Variants in LYZL2 observed in about 807,000 individuals in gnomAD.
LYZL2 encodes the protein lysozyme-like protein 2.
LYZL2 carries 13 observed loss-of-function variants against 17.1 expected under a neutral mutation model. The observed-to-expected ratio is 0.76, with a 90% CI of 0.49 to 1.21. LYZL2 has a LOEUF of 1.21. LYZL2 is among the 50% of genes most tolerant of loss of function. LYZL2 has a pLI of 0.00. For missense variants in LYZL2, 166 were observed against 189.2 expected (o/e 0.88, Z 0.72); for synonymous variants, 63 against 74.4 (o/e 0.85, Z 0.79).
chr10:30,611,467 C>G (rs1189995361), downstream of LYZL2, among the ~76,000 whole-genome samples: 2 of 143,570 alleles, frequency 1.4e-5, no homozygotes, highest in Non-Finnish European at 3.0e-5. Context: ...CGACTGCACT[C>G]CAGCCTGGGG....
At chr10:30,617,674 C>CAAAAAAAAAAAAAA (rs1165550893) in intron 3 of LYZL2, among the ~76,000 whole-genome samples, 5 of 50,214 alleles carry the variant, frequency 1.0e-4, no homozygotes, top group Non-Finnish European at 1.8e-4. Context: ...GACTCTGTCT[C>CAAAAAAAAAAAAAA]AAAAAAAAAA....
At chr10:30,629,045 C>A (rs773901059) in intron 1 of LYZL2, among the ~76,000 whole-genome samples, 5 of 151,364 alleles carry the variant, frequency 3.3e-5, no homozygotes, top group Non-Finnish European at 7.4e-5. Flanking sequence ...TCATGCCAGT[C>A]CGTGGTGTAC....
At chr10:30,629,572 T>C in intron 1 of LYZL2, 21 bp downstream of exon 1, 1 of 1,612,558 alleles carries the variant, frequency 6.2e-7, no homozygotes, top group Non-Finnish European at 8.5e-7. Flanking sequence ...GGTGGCTTCA[T>C]AAGAGTAATT....
At chr10:30,611,609 AAGAAAG>A (rs1366122146), downstream of LYZL2, among the ~76,000 whole-genome samples, 13 of 146,186 alleles carry the variant, frequency 8.9e-5, no homozygotes, top group African/African-American at 3.1e-4. Flanking sequence ...GAAAGAAAGA[AAGAAAG>A]AGAAAGAAAG....
At chr10:30,612,697 A>C in intron 4 of LYZL2, 125 bp downstream of exon 4, 1 of 680,908 alleles carries the variant, frequency 1.5e-6, no homozygotes, top group Non-Finnish European at 2.6e-6. Flanking sequence ...AATATAGACA[A>C]GGTCTCCTTC....
chr10:30,615,480 C>T (rs972894055), intron 3 of LYZL2, among the ~76,000 whole-genome samples: 4 of 152,114 alleles, frequency 2.6e-5, no homozygotes, highest in Non-Finnish European at 5.9e-5. Flanking sequence ...TTATACTGTA[C>T]TGCTTACTTG....
intron 1 of LYZL2, among the ~76,000 whole-genome samples, chr10:30,627,916 T>C (rs553261617): frequency 1.3e-5 from 2 of 152,268 alleles, no homozygotes; most frequent in Non-Finnish European, 2.9e-5. Context: ...TCCCGGCACT[T>C]TGGGAGGCCG....
chr10:30,620,984 C>T (rs142953398), intron 3 of LYZL2, among the ~76,000 whole-genome samples: 3 of 151,920 alleles, frequency 2.0e-5, no homozygotes, highest in Non-Finnish European at 2.9e-5. Context: ...ACAGCATCAG[C>T]GATCGAACAT....
At chr10:30,612,952 G>A (rs1448281086) in intron 3 of LYZL2, 52 bp from the exon 4 acceptor site, 2 of 1,391,898 alleles carry the variant, frequency 1.4e-6, no homozygotes, top group Admixed American at 1.8e-5. Flanking sequence ...GTTGGAGAGG[G>A]ACCCCAACTC....
intron 2 of LYZL2, 88 bp downstream of exon 2, chr10:30,626,689 G>C: frequency 2.4e-5 from 33 of 1,352,854 alleles, no homozygotes; most frequent in Non-Finnish European, 3.2e-5. Flanking sequence ...GGTAGTTGGG[G>C]AGACACAGCA....
At position 30,612,916 on chromosome 10, in the gene LYZL2, T is replaced by C. The variant is rs201996785; in HGVS notation, c.299-16A>G. The C allele has an allele frequency of 1.9e-6, 3 of 1,608,916 alleles. No individual in the cohort carries two copies. The highest frequency in any genetic ancestry group is 2.6e-6 in the Non-Finnish European group (3 of 1,175,468). On this transcript the variant is annotated splice_polypyrimidine_tract_variant and intron_variant, in intron 3 of 4. Coordinates refer to ENST00000647634, the MANE Select transcript of LYZL2 (RefSeq NM_183058.3). ...GTGACCAAGGCTGTAAAAAGAGAGG[T>C]CATCAGGGTTAGGCGAGACTTTGTT...
At chr10:30,610,020 CA>C (rs1838414768), downstream of LYZL2, among the ~76,000 whole-genome samples, 1 of 152,066 alleles carries the variant, frequency 6.6e-6, no homozygotes, top group African/African-American at 2.4e-5. Flanking sequence ...GTTTTCCAAT[CA>C]GGGGTATCCA....
intron 3 of LYZL2, among the ~76,000 whole-genome samples, chr10:30,619,587 A>T (rs983614144): frequency 2.0e-5 from 3 of 151,512 alleles, no homozygotes; most frequent in Non-Finnish European, 4.4e-5. Flanking sequence ...ACAAAAAACC[A>T]AACACCGCAT....
chr10:30,615,882 G>C (rs1425108781), intron 3 of LYZL2, among the ~76,000 whole-genome samples: 14 of 47,252 alleles, frequency 3.0e-4, no homozygotes, highest in Non-Finnish European at 2.2e-4. Context: ...GATAGCACTG[G>C]TTTAGAAAAA....
intron 1 of LYZL2, 110 bp downstream of exon 1, chr10:30,629,483 C>T: frequency 1.0e-6 from 1 of 960,802 alleles, no homozygotes; most frequent in Admixed American, 3.5e-5. Flanking sequence ...CAAGTCAAAA[C>T]AAAACCCGTA....
intron 3 of LYZL2, among the ~76,000 whole-genome samples, chr10:30,619,192 G>A (rs1490066315): frequency 1.3e-5 from 2 of 152,178 alleles, no homozygotes; most frequent in African/African-American, 4.8e-5. Flanking sequence ...TGCTAGAGAG[G>A]ATGTGGAGAA....
intron 4 of LYZL2, among the ~76,000 whole-genome samples, chr10:30,612,310 C>T (rs1293931263): frequency 6.6e-6 from 1 of 152,160 alleles, no homozygotes; most frequent in Non-Finnish European, 1.5e-5. Context: ...TGAGTGGGGC[C>T]GGCTGGCAAT....
At chr10:30,607,084 G>A (rs59411308), downstream of LYZL2, among the ~76,000 whole-genome samples, 7,996 of 151,208 alleles carry the variant, frequency 0.053, 390 homozygotes, top group African/African-American at 0.13. Context: ...CTAATTTTTT[G>A]TATTTTTAGT....
chr10:30,612,918 AT>A lies in LYZL2; in HGVS notation c.299-19del. The A allele has an allele frequency of 6.2e-7, 1 of 1,609,206 alleles. No individual in the cohort carries two copies. Among genetic ancestry groups the A allele is most frequent in the African/African-American group, 1.3e-5 (1 of 74,982 alleles). ...GACCAAGGCTGTAAAAAGAGAGGTC[AT>A]CAGGGTTAGGCGAGACTTTGTTGTT... On this transcript the variant is annotated intron_variant, in intron 3 of 4. Coordinates refer to ENST00000647634, the MANE Select transcript of LYZL2 (RefSeq NM_183058.3).
Sources: allele counts gnomAD v4.1 joint callset (sites outside exome capture counted in the v4.1 genomes callset), GRCh38; gene constraint gnomAD v4.1.1; transcripts MANE v1.5; gene names NCBI Gene and HGNC (gene_info 2026-07-23, HGNC 2026-07-21).